Variants in EIF4B observed in about 807,000 individuals in gnomAD.
The protein encoded by EIF4B is eukaryotic translation initiation factor 4B.
A neutral mutation model predicts 79.3 loss-of-function variants in EIF4B; 8 were observed. The ratio of observed to expected loss-of-function variants is 0.10; its 90% CI spans 0.06 to 0.18. EIF4B has a LOEUF of 0.18. Among genes scored for constraint, EIF4B ranks in the 10% least tolerant of loss-of-function variants. EIF4B has a pLI of 1.00. For missense variants in EIF4B, 515 were observed against 792.4 expected (o/e 0.65, Z 4.20); for synonymous variants, 238 against 274.7 (o/e 0.87, Z 1.32).
At chr12:53,011,213 G>A (rs1034509426) in intron 1 of EIF4B, among the ~76,000 whole-genome samples, 14 of 152,146 alleles carry the variant, frequency 9.2e-5, no homozygotes, top group African/African-American at 3.4e-4. Context: ...GCTGCAGTGA[G>A]CCATTATCTC....
At chr12:53,016,436 T>A (rs1943150005) in intron 1 of EIF4B, 37 bp from the exon 2 acceptor site, 1 of 1,611,218 alleles carries the variant, frequency 6.2e-7, no homozygotes, top group South Asian at 1.1e-5. Context: ...AATACCTGAG[T>A]ATTGGTGAAT....
Position 53,019,897 on chromosome 12 carries a change from C to G in EIF4B, c.361-13C>G. 6.2e-7 allele frequency: 1 copy of G among 1,605,208 alleles called. No homozygotes were observed. Reference sequence around the variant, plus strand: ...ATGCTGGGAAACTTTGTTGTTGATTCTTATTCCTTCAGATCAGTGCAGTGC... The same window carrying G: ...ATGCTGGGAAACTTTGTTGTTGATTGTTATTCCTTCAGATCAGTGCAGTGC... On this transcript the variant is annotated splice_polypyrimidine_tract_variant and intron_variant, in intron 3 of 14. Coordinates refer to ENST00000262056, the MANE Select transcript of EIF4B (RefSeq NM_001417.7).
chr12:53,030,413 CTTTTTTTT>C lies in EIF4B; in HGVS notation c.979+2243_979+2250del, dbSNP rs759061266. Among the ~76,000 whole-genome samples, 30 of 43,100 alleles carry C rather than the reference CTTTTTTTT, an allele frequency of 7.0e-4. 1 individual carries two copies. Among genetic ancestry groups the C allele is most frequent in the Middle Eastern group, 0.02 (1 of 50 alleles). 28.3% of individuals were successfully genotyped at this position (43,100 alleles called of 152,430 possible). A position where few individuals can be genotyped will look rare whatever the true frequency, so the allele number is the denominator to read the frequency against. ...GAAATAGGTTTTAAAAAATTATATT[CTTTTTTTT>C]TTTTTTTTTTTTTTTTTGAGACGGA... On this transcript the variant is annotated intron_variant, in intron 8 of 14. Coordinates refer to ENST00000262056, the MANE Select transcript of EIF4B (RefSeq NM_001417.7).
At chr12:53,018,672 A>C in intron 2 of EIF4B, 126 bp from the exon 3 acceptor site, 1 of 1,002,912 alleles carries the variant, frequency 1.0e-6, no homozygotes, top group Non-Finnish European at 1.5e-6. Flanking sequence ...CTGAACCCCC[A>C]CTTTTTTTGG....
At position 53,022,478 on chromosome 12, in the gene EIF4B, T is replaced by A. The variant is rs200281808; in HGVS notation, c.533-15T>A. 5.0e-5 allele frequency: 80 copies of A among 1,610,282 alleles called. No individual in the cohort carries two copies. The highest frequency in any genetic ancestry group is 6.2e-5 in the Non-Finnish European group (73 of 1,178,824). On this transcript the variant is annotated splice_polypyrimidine_tract_variant and intron_variant, in intron 5 of 14. Coordinates refer to ENST00000262056, the MANE Select transcript of EIF4B (RefSeq NM_001417.7). ...TATGAGATAACTTACGGTTTTTGTT[T>A]TAATGTATCTGTAGACAGGGATGAT...
At chr12:53,028,968 A>C (rs1252555763) in intron 8 of EIF4B, among the ~76,000 whole-genome samples, 1 of 152,120 alleles carries the variant, frequency 6.6e-6, no homozygotes, top group Non-Finnish European at 1.5e-5. Context: ...TGTACTAAAA[A>C]TACAAAAATT....
At chr12:53,027,127 A>G (rs1475658449) in intron 6 of EIF4B, among the ~76,000 whole-genome samples, 1 of 22,020 alleles carries the variant, frequency 4.5e-5, no homozygotes, top group Non-Finnish European at 2.3e-4. Flanking sequence ...GTCTCTCAAA[A>G]AAAAAAAAAA....
Position 53,033,661 on chromosome 12 carries a change from G to T in EIF4B, c.980-145G>T, listed in dbSNP as rs545831141. On this transcript the variant is annotated intron_variant, in intron 8 of 14. Transcript: ENST00000262056. ...CAGCCTAAACTACCTGTTTTCTAATGATCTATTTGCCTTCTGTGGATTGGT... is the reference window on the plus strand; with the variant it reads ...CAGCCTAAACTACCTGTTTTCTAATTATCTATTTGCCTTCTGTGGATTGGT... 6.7e-4 allele frequency: 596 copies of T among 891,260 alleles called. 4 individuals are homozygous for T. The highest frequency in any genetic ancestry group is 4.5e-3 in the South Asian group (235 of 52,174). 55.2% of individuals were successfully genotyped at this position (891,260 alleles called of 1,614,324 possible). A position where few individuals can be genotyped will look rare whatever the true frequency, so the allele number is the denominator to read the frequency against.
chr12:53,023,958 A>G (rs1188059963), intron 6 of EIF4B, among the ~76,000 whole-genome samples: 5 of 152,250 alleles, frequency 3.3e-5, no homozygotes, highest in African/African-American at 1.2e-4. Flanking sequence ...ACAAAGATAC[A>G]GCAGTGTAAT....
At chr12:53,030,296 C>T (rs1199266998) in intron 8 of EIF4B, among the ~76,000 whole-genome samples, 1 of 142,640 alleles carries the variant, frequency 7.0e-6, no homozygotes, top group Non-Finnish European at 1.5e-5. Context: ...AGGAGGGTCG[C>T]TTGAGCCTGG....
At chr12:53,030,410 A>ATTTTTTTTTTTTTTTT (rs1555153412) in intron 8 of EIF4B, among the ~76,000 whole-genome samples, 15 of 34,180 alleles carry the variant, frequency 4.4e-4, no homozygotes, top group Admixed American at 1.0e-3. Context: ...AAAAAATTAT[A>ATTTTTTTTTTTTTTTT]TTCTTTTTTT....
At chr12:53,007,773 G>A (rs961640775) in intron 1 of EIF4B, among the ~76,000 whole-genome samples, 3 of 152,182 alleles carry the variant, frequency 2.0e-5, no homozygotes, top group Non-Finnish European at 4.4e-5. Context: ...TTTGGAAAAT[G>A]TTGAGAAATT....
intron 8 of EIF4B, among the ~76,000 whole-genome samples, chr12:53,030,572 C>T (rs796745574): frequency 1.1e-4 from 16 of 151,158 alleles, no homozygotes; most frequent in African/African-American, 2.7e-4. Flanking sequence ...CCACCACGCC[C>T]GGCTAATTTT....
intron 10 of EIF4B, among the ~76,000 whole-genome samples, chr12:53,035,480 T>TG (rs1383702914): frequency 6.6e-6 from 1 of 151,992 alleles, no homozygotes; most frequent in African/African-American, 2.4e-5. Context: ...GCCATTCTCC[T>TG]GCCTCAGCCT....
At chr12:53,016,329 C>A in intron 1 of EIF4B, 144 bp from the exon 2 acceptor site, 1 of 1,031,452 alleles carries the variant, frequency 9.7e-7, no homozygotes, top group Non-Finnish European at 1.4e-6. Flanking sequence ...CTGCATAGTA[C>A]CCCTTCATGG....
rs1205827448 is a variant in EIF4B at position 53,033,333 on chromosome 12, T to TA, written c.980-473_980-472insA. Among the ~76,000 whole-genome samples the TA allele has an allele frequency of 2.9e-4, 13 of 44,830 alleles. No individual in the cohort carries two copies. In the South Asian group the frequency reaches 0.011, roughly 39 times the overall value. The allele number at this position is 44,830 out of a possible 152,430, so 29.4% of individuals were successfully genotyped here. Reference sequence around the variant, plus strand: ...CACGCCCAGCCTGAGCTACCTATTTTCTTTTTTTTTTTTCTTTTTTTTATT... The same window carrying TA: ...CACGCCCAGCCTGAGCTACCTATTTTACTTTTTTTTTTTTCTTTTTTTTATT... On this transcript the variant is annotated intron_variant, in intron 8 of 14. Transcript: ENST00000262056.
chr12:53,006,530 G>T, intron 1 of EIF4B, 34 bp downstream of exon 1: 1 of 1,613,448 alleles, frequency 6.2e-7, no homozygotes. Context: ...CAAGGACTGG[G>T]CTCTGAAACC....
intron 1 of EIF4B, among the ~76,000 whole-genome samples, chr12:53,011,526 G>T (rs1943063231): frequency 6.6e-6 from 1 of 152,182 alleles, no homozygotes; most frequent in Admixed American, 6.5e-5. Flanking sequence ...GTGGAATGGG[G>T]ATCGGGGATT....
intron 9 of EIF4B, among the ~76,000 whole-genome samples, 196 bp downstream of exon 9, chr12:53,034,230 C>T (rs1466804134): frequency 6.6e-6 from 1 of 152,142 alleles, no homozygotes; most frequent in Non-Finnish European, 1.5e-5. Flanking sequence ...AAGAGTTGTT[C>T]CCTGTCCATT....
Sources: allele counts gnomAD v4.1 joint callset (sites outside exome capture counted in the v4.1 genomes callset), GRCh38; gene constraint gnomAD v4.1.1; transcripts MANE v1.5; gene names NCBI Gene and HGNC (gene_info 2026-07-23, HGNC 2026-07-21).